Variants in PTPRR observed in about 807,000 individuals in gnomAD.
The protein encoded by PTPRR is protein tyrosine phosphatase receptor type R.
A neutral mutation model predicts 77.2 loss-of-function variants in PTPRR; 38 were observed. The ratio of observed to expected loss-of-function variants is 0.49; its 90% CI spans 0.38 to 0.65. The LOEUF (loss-of-function observed/expected upper bound fraction) is 0.65. Ranked by LOEUF, PTPRR falls within the 30% of genes least tolerant of loss-of-function variation. The pLI, the probability that PTPRR is intolerant of heterozygous loss-of-function variation, is 0.00. For missense variants in PTPRR, 744 were observed against 799.2 expected (o/e 0.93, Z 0.83); for synonymous variants, 299 against 283.1 (o/e 1.06, Z -0.57).
intron 2 of PTPRR, among the ~76,000 whole-genome samples, chr12:70,891,957 T>C (rs1428378589): frequency 6.6e-6 from 1 of 152,022 alleles, no homozygotes; most frequent in East Asian, 1.9e-4. Context: ...TGGATCCTTC[T>C]ATAATGATGT....
intron 13 of PTPRR, among the ~76,000 whole-genome samples, chr12:70,650,773 T>C (rs191904011): frequency 2.0e-5 from 3 of 152,348 alleles, no homozygotes; most frequent in African/African-American, 7.2e-5. Flanking sequence ...CAGGCCCATC[T>C]ATTAGGTTGG....
chr12:70,771,919 A>G (rs947165861), intron 2 of PTPRR, among the ~76,000 whole-genome samples: 4 of 152,174 alleles, frequency 2.6e-5, no homozygotes, highest in African/African-American at 9.6e-5. Context: ...AAGATAAACA[A>G]TTCTTATTCA....
chr12:70,678,188 G>A (rs1332858658), intron 10 of PTPRR, among the ~76,000 whole-genome samples: 1 of 152,010 alleles, frequency 6.6e-6, no homozygotes, highest in Non-Finnish European at 1.5e-5. Flanking sequence ...TTATAGGCAC[G>A]CACCACCAAG....
At chr12:70,867,524 A>G (rs1228227062) in intron 2 of PTPRR, among the ~76,000 whole-genome samples, 1 of 152,024 alleles carries the variant, frequency 6.6e-6, no homozygotes, top group African/African-American at 2.4e-5. Flanking sequence ...CCACTGCTCA[A>G]TGAAATAAAA....
At chr12:70,813,708 C>A (rs1247094604) in intron 2 of PTPRR, among the ~76,000 whole-genome samples, 1 of 152,132 alleles carries the variant, frequency 6.6e-6, no homozygotes, top group African/African-American at 2.4e-5. Flanking sequence ...CAGCTTCCTG[C>A]CTGAAGAGAG....
chr12:70,685,397 C>A (rs1167354235), intron 8 of PTPRR, among the ~76,000 whole-genome samples: 1 of 144,336 alleles, frequency 6.9e-6, no homozygotes, highest in East Asian at 2.1e-4. Flanking sequence ...GTAATCTCAG[C>A]ACTTTGGGAG....
At chr12:70,678,540 T>G (rs1187863475) in intron 10 of PTPRR, among the ~76,000 whole-genome samples, 1 of 152,224 alleles carries the variant, frequency 6.6e-6, no homozygotes, top group Non-Finnish European at 1.5e-5. Context: ...TAAAGTTTTG[T>G]CAGTTTTATG....
At chr12:70,912,604 G>A (rs1893715863) in intron 1 of PTPRR, among the ~76,000 whole-genome samples, 1 of 152,108 alleles carries the variant, frequency 6.6e-6, no homozygotes, top group Non-Finnish European at 1.5e-5. Flanking sequence ...GGTCCATGTG[G>A]CTGCAATTTT....
chr12:70,844,504 C>G (rs750099514), intron 2 of PTPRR, among the ~76,000 whole-genome samples: 17 of 151,952 alleles, frequency 1.1e-4, no homozygotes, highest in Non-Finnish European at 2.1e-4. Flanking sequence ...CATGTGGAAT[C>G]TAGTAATGTT....
intron 2 of PTPRR, among the ~76,000 whole-genome samples, chr12:70,780,114 C>T (rs763902396): frequency 2.6e-5 from 4 of 152,090 alleles, no homozygotes; most frequent in Non-Finnish European, 4.4e-5. Flanking sequence ...GCCTCAGCCT[C>T]CCGAGTAGAT....
chr12:70,764,388 G>C (rs563357413), intron 3 of PTPRR, among the ~76,000 whole-genome samples: 1 of 152,232 alleles, frequency 6.6e-6, no homozygotes, highest in East Asian at 1.9e-4. Context: ...CTATGACAGA[G>C]TTAACAAACT....
intron 8 of PTPRR, among the ~76,000 whole-genome samples, chr12:70,688,506 C>T (rs113893945): frequency 1.1e-4 from 16 of 152,048 alleles, no homozygotes; most frequent in Non-Finnish European, 1.6e-4. Context: ...CACTTCATAC[C>T]TGTTAGAAGG....
chr12:70,904,832 T>G (rs1893596478), intron 1 of PTPRR, among the ~76,000 whole-genome samples: 1 of 151,782 alleles, frequency 6.6e-6, no homozygotes, highest in Non-Finnish European at 1.5e-5. Context: ...TAAATTTAAT[T>G]GAAATGAGGA....
chr12:70,667,146 C>T (rs1220163217), intron 10 of PTPRR, among the ~76,000 whole-genome samples: 4 of 151,352 alleles, frequency 2.6e-5, no homozygotes, highest in Non-Finnish European at 4.4e-5. Flanking sequence ...TTAGTAGAGA[C>T]GGAGTTTCAC....
chr12:70,759,439 A>T (rs954444012), intron 4 of PTPRR, among the ~76,000 whole-genome samples: 1 of 152,116 alleles, frequency 6.6e-6, no homozygotes, highest in African/African-American at 2.4e-5. Flanking sequence ...TCGTCTGTGG[A>T]GGTACAAGGG....
chr12:70,798,786 T>C (rs1198322881), intron 2 of PTPRR, among the ~76,000 whole-genome samples: 2 of 136,058 alleles, frequency 1.5e-5, no homozygotes, highest in Non-Finnish European at 3.1e-5. Context: ...CAGTATCTGG[T>C]ATGTATCTTA....
chr12:70,754,928 G>C (rs1376969927), intron 4 of PTPRR, among the ~76,000 whole-genome samples: 1 of 151,346 alleles, frequency 6.6e-6, no homozygotes, highest in East Asian at 1.9e-4. Context: ...ACATTAAAAA[G>C]TTCAGAATTA....
chr12:70,883,579 G>A (rs1425758141), intron 2 of PTPRR, among the ~76,000 whole-genome samples: 2 of 152,140 alleles, frequency 1.3e-5, no homozygotes, highest in East Asian at 3.9e-4. Context: ...TTTAAGAACT[G>A]TTGTGTGCCA....
intron 6 of PTPRR, among the ~76,000 whole-genome samples, chr12:70,718,861 T>C (rs1388903710): frequency 6.6e-6 from 1 of 152,210 alleles, no homozygotes; most frequent in Non-Finnish European, 1.5e-5. Context: ...CTTGAAATAT[T>C]GTGTAAAACA....
Sources: gnomAD v4.1 joint callset for allele counts (sites outside exome capture counted in the v4.1 genomes callset) on GRCh38, gnomAD v4.1.1 for gene constraint, MANE v1.5 for transcripts, NCBI Gene and HGNC (gene_info 2026-07-23, HGNC 2026-07-21) for gene names.